The following CHST3 variants were observed in gnomAD, a reference collection of about 807,000 sequenced individuals.
The protein encoded by CHST3 is carbohydrate sulfotransferase 3.
Under a neutral mutation model 35.4 loss-of-function variants are expected in CHST3, and 20 were observed. The ratio of observed to expected loss-of-function variants is 0.57; its 90% CI spans 0.40 to 0.82. CHST3 has a LOEUF of 0.82. Ranked by LOEUF, CHST3 falls within the 40% of genes least tolerant of loss-of-function variation. The pLI is 0.00. For missense variants in CHST3, 693 were observed against 670.1 expected, an observed-to-expected ratio of 1.03 and a Z score of -0.38; for synonymous variants, 334 against 295.9, an observed-to-expected ratio of 1.13 and a Z score of -1.32.
Position 72,007,556 on chromosome 10 carries a change from GC to G in CHST3, c.527del (p.Pro176ArgfsTer40). On this transcript the variant is annotated frameshift_variant, in exon 3 of 3. Coordinates refer to ENST00000373115, the MANE Select transcript of CHST3 (RefSeq NM_004273.5). LOFTEE classifies it high-confidence loss of function. ...WHIERTVSFE[P>X]GGANAAGSAL... ...ACATCGAGCGCACAGTGTCCTTCGA[GC>G]CGGGGGGCGCCAACGCCGCGGGCTC... 6.2e-7 allele frequency: 1 copy of G among 1,606,740 alleles called. No individual in the cohort carries two copies. The highest frequency in any genetic ancestry group is 1.1e-5 in the South Asian group (1 of 91,006).
At chr10:71,996,435 A>C (rs1249826791) in intron 1 of CHST3, among the ~76,000 whole-genome samples, 1 of 127,542 alleles carries the variant, frequency 7.8e-6, no homozygotes, top group East Asian at 2.2e-4. Context: ...ACCCCCCCCC[A>C]ACGTATGTGT....
At chr10:71,999,940 C>T (rs1243401004) in intron 1 of CHST3, among the ~76,000 whole-genome samples, 1 of 152,230 alleles carries the variant, frequency 6.6e-6, no homozygotes, top group African/African-American at 2.4e-5. Context: ...TCTGCCCTCC[C>T]CCTTGTTACC....
chr10:72,007,797 A>T lies in CHST3; in HGVS notation c.766A>T (p.Asn256Tyr). Residue 256 changes from asparagine (N) to tyrosine (Y), a missense_variant, in exon 3 of 3, where the codon AAC (asparagine) becomes TAC (tyrosine). By Grantham distance (143) the Asn-to-Tyr change is moderately radical. Transcript: ENST00000373115. ...HCKNRRCGPL[N>Y]VTLAAEACRR... ...CAAGAACCGCCGCTGCGGCCCCCTC[A>T]ACGTGACGCTGGCCGCAGAGGCCTG... The T allele has an allele frequency of 1.2e-6, 2 of 1,601,832 alleles. No individual in the cohort carries two copies. The highest frequency in any genetic ancestry group is 1.7e-6 in the Non-Finnish European group (2 of 1,179,590).
At chr10:71,989,179 AAAAG>A (rs1271934158) in intron 1 of CHST3, among the ~76,000 whole-genome samples, 2 of 152,116 alleles carry the variant, frequency 1.3e-5, no homozygotes, top group Non-Finnish European at 2.9e-5. Context: ...GAAAGAAAGA[AAAAG>A]AAAGGAAGGA....
chr10:72,009,406 C>T lies in CHST3; in HGVS notation c.*935C>T, dbSNP rs759237893. ...TCATGGCTACCTCCTCTGACCCATC[C>T]ACATCCTTGCGGCTGGCAGGCAGGA... On this transcript the variant is annotated 3_prime_UTR_variant, in exon 3 of 3. Coordinates refer to ENST00000373115, the MANE Select transcript of CHST3 (RefSeq NM_004273.5). 6.6e-6 allele frequency: 1 copy of T among 152,256 alleles called. No homozygotes were observed. The highest frequency in any genetic ancestry group is 6.5e-5 in the Admixed American group (1 of 15,282). 9.4% of individuals were successfully genotyped at this position (152,256 alleles called of 1,614,324 possible).
At chr10:71,997,275 G>C (rs1265127792) in intron 1 of CHST3, among the ~76,000 whole-genome samples, 1 of 152,064 alleles carries the variant, frequency 6.6e-6, no homozygotes, top group African/African-American at 2.4e-5. Flanking sequence ...TGGCGCTCTG[G>C]GTACCTCATA....
intron 1 of CHST3, among the ~76,000 whole-genome samples, chr10:71,999,282 C>T (rs1839969982): frequency 6.6e-6 from 1 of 152,240 alleles, no homozygotes; most frequent in South Asian, 2.1e-4. Context: ...CCGCCTCTCT[C>T]CACTCTGCAG....
Position 72,008,881 on chromosome 10 carries a change from C to T in CHST3, c.*410C>T, listed in dbSNP as rs886047160. The T allele has an allele frequency of 4.2e-5, 7 of 164,714 alleles. No individual in the cohort carries two copies. The highest frequency in any genetic ancestry group is 2.9e-3 in the Middle Eastern group (1 of 350). The allele number at this position is 164,714 out of a possible 1,614,324, so 10.2% of individuals were successfully genotyped here. On this transcript the variant is annotated 3_prime_UTR_variant, in exon 3 of 3. Transcript: ENST00000373115. Reference sequence around the variant, plus strand: ...CTGCTTTATTTGGTGTTAACCGTTTCTTGTCTGGATGGTGAAGTCTGGAAT... The same window carrying T: ...CTGCTTTATTTGGTGTTAACCGTTTTTTGTCTGGATGGTGAAGTCTGGAAT...
chr10:72,008,356 C>A lies in CHST3; in HGVS notation c.1325C>A (p.Ala442Asp). 6.4e-7 allele frequency: 1 copy of A among 1,565,194 alleles called. No individual in the cohort carries two copies. The highest frequency in any genetic ancestry group is 8.7e-7 in the Non-Finnish European group (1 of 1,155,604). Residue 442 changes from alanine (A) to aspartate (D), a missense_variant, in exon 3 of 3, where the codon GCC (alanine) becomes GAC (aspartate). Coordinates refer to ENST00000373115, the MANE Select transcript of CHST3 (RefSeq NM_004273.5). Reference protein sequence around the residue: ...MPFKLAQVVQAACGPAMRLFG... With the variant: ...MPFKLAQVVQDACGPAMRLFG... ...TTCAAGCTGGCCCAGGTGGTGCAGG[C>A]CGCCTGCGGCCCTGCCATGCGCCTC...
intron 1 of CHST3, among the ~76,000 whole-genome samples, chr10:71,989,590 G>T (rs745671609): frequency 9.9e-5 from 15 of 152,212 alleles, no homozygotes; most frequent in Non-Finnish European, 1.8e-4. Context: ...CTGTGTGTAG[G>T]ATGATGGATT....
chr10:71,977,575 A>T (rs1318679509), intron 1 of CHST3, among the ~76,000 whole-genome samples: 1 of 151,018 alleles, frequency 6.6e-6, no homozygotes, highest in East Asian at 1.9e-4. Context: ...TCAGCCTCCC[A>T]AGTAGGTGGG....
intron 1 of CHST3, among the ~76,000 whole-genome samples, chr10:71,970,606 T>C (rs982552079): frequency 1.3e-5 from 2 of 152,052 alleles, no homozygotes; most frequent in African/African-American, 4.8e-5. Context: ...GAGGAACATG[T>C]ATATGGGAGA....
intron 1 of CHST3, among the ~76,000 whole-genome samples, chr10:71,985,437 A>T (rs1372113789): frequency 6.6e-6 from 1 of 152,156 alleles, no homozygotes; most frequent in Non-Finnish European, 1.5e-5. Context: ...CCTTTCCCTC[A>T]GAAAGTCCCC....
At chr10:71,981,295 C>T (rs1839798998) in intron 1 of CHST3, among the ~76,000 whole-genome samples, 1 of 152,354 alleles carries the variant, frequency 6.6e-6, no homozygotes, top group Non-Finnish European at 1.5e-5. Context: ...CAAACTGCTT[C>T]TGCTCTCCAA....
intron 1 of CHST3, among the ~76,000 whole-genome samples, chr10:71,999,941 C>T (rs1308643523): frequency 6.6e-6 from 1 of 152,240 alleles, no homozygotes; most frequent in African/African-American, 2.4e-5. Context: ...CTGCCCTCCC[C>T]CTTGTTACCC....
intron 1 of CHST3, among the ~76,000 whole-genome samples, chr10:71,985,471 G>A (rs1208744742): frequency 6.6e-6 from 1 of 152,110 alleles, no homozygotes; most frequent in African/African-American, 2.4e-5. Flanking sequence ...CACATGAATA[G>A]ATCCCAGGAA....
chr10:72,006,480 G>T (rs1049784173), intron 2 of CHST3, among the ~76,000 whole-genome samples: 3 of 152,148 alleles, frequency 2.0e-5, no homozygotes, highest in Non-Finnish European at 4.4e-5. Context: ...GAAAGGCAAG[G>T]TCCTAGTATG....
intron 1 of CHST3, among the ~76,000 whole-genome samples, chr10:71,979,884 G>A (rs1477893015): frequency 1.3e-5 from 2 of 152,194 alleles, no homozygotes; most frequent in Non-Finnish European, 2.9e-5. Flanking sequence ...TACCCGGTGG[G>A]TGGGAGTGGG....
In CHST3 at chr10:72,010,476, GAGA is replaced by G. The variant is rs1421412493; in HGVS notation, c.*2008_*2010del. The stretch of plus-strand genomic sequence containing the variant: ...GTGTCCTGGCAGGAAGCCACCATTG[GAGA>G]AGGTGAGGCCAGTAACCATCTCATG... On this transcript the variant is annotated 3_prime_UTR_variant, in exon 3 of 3. Coordinates refer to ENST00000373115, the MANE Select transcript of CHST3 (RefSeq NM_004273.5). 2.0e-5 allele frequency: 3 copies of G among 152,250 alleles called. No homozygotes were observed. The highest frequency in any genetic ancestry group is 7.2e-5 in the African/African-American group (3 of 41,456). The allele number at this position is 152,250 out of a possible 1,614,324, so 9.4% of individuals were successfully genotyped here. A position where few individuals can be genotyped will look rare whatever the true frequency, so the allele number is the denominator to read the frequency against.
Sources: allele counts gnomAD v4.1 joint callset (sites outside exome capture counted in the v4.1 genomes callset), GRCh38; gene constraint gnomAD v4.1.1; transcripts MANE v1.5; gene names NCBI Gene and HGNC (gene_info 2026-07-23, HGNC 2026-07-21).